The following PLEKHA5 variants were observed in gnomAD, a reference collection of about 807,000 sequenced individuals.
The protein encoded by PLEKHA5 is pleckstrin homology domain-containing family A member 5.
PLEKHA5 carries 55 observed loss-of-function variants against 181.9 expected under a neutral mutation model. The ratio of observed to expected loss-of-function variants is 0.30; its 90% confidence interval spans 0.24 to 0.38. The LOEUF (loss-of-function observed/expected upper bound fraction) is 0.38, where lower values mean the gene tolerates loss of function less well. Among genes scored for constraint, PLEKHA5 ranks in the 10% least tolerant of loss-of-function variants. PLEKHA5 has a pLI of 1.00. For synonymous variants in PLEKHA5, 535 were observed against 529.4 expected (o/e 1.01, Z -0.15); for missense variants, 1,432 against 1,549.5 (o/e 0.92, Z 1.27).
At position 19,148,311 on chromosome 12, in the gene PLEKHA5, C is replaced by T. The variant is rs151238242; in HGVS notation, c.227+15861C>T. ...ACCTCAAGTGATCCACCCGCCTTGG[C>T]CTCCCAAAGTGCTGGGATTACAGGT... On this transcript the variant is annotated intron_variant, in intron 3 of 31. Coordinates refer to ENST00000429027, the MANE Select transcript of PLEKHA5 (RefSeq NM_001256470.2). Among the ~76,000 whole-genome samples the T allele has an allele frequency of 9.3e-3, 1,422 of 152,340 alleles. 15 individuals carry two copies. Among genetic ancestry groups the T allele is most frequent in the African/African-American group, 0.027 (1,137 of 41,582 alleles).
chr12:19,202,014 G>C (rs144554532), intron 3 of PLEKHA5: 1 of 973,640 alleles, frequency 1.0e-6, no homozygotes, highest in Admixed American at 6.2e-5. Flanking sequence ...CTTGCCTTGG[G>C]TTCATTACTT....
At chr12:19,237,930 G>T (rs1001827634) in intron 3 of PLEKHA5, among the ~76,000 whole-genome samples, 1 of 151,750 alleles carries the variant, frequency 6.6e-6, no homozygotes, top group Non-Finnish European at 1.5e-5. Flanking sequence ...ATTTCATAGG[G>T]ATGAATGATA....
At chr12:19,266,586 C>T (rs1435379075) in intron 8 of PLEKHA5, among the ~76,000 whole-genome samples, 1 of 152,002 alleles carries the variant, frequency 6.6e-6, no homozygotes, top group African/African-American at 2.4e-5. Flanking sequence ...GAGTTCAAGA[C>T]CAGCCTGGCC....
intron 3 of PLEKHA5, among the ~76,000 whole-genome samples, chr12:19,187,939 C>T (rs2050227031): frequency 1.3e-5 from 2 of 152,164 alleles, no homozygotes; most frequent in African/African-American, 4.8e-5. Context: ...TAAGTGGTGG[C>T]TGACCAAGCT....
chr12:19,215,321 A>G (rs2057757443), intron 3 of PLEKHA5, among the ~76,000 whole-genome samples: 1 of 152,194 alleles, frequency 6.6e-6, no homozygotes, highest in South Asian at 2.1e-4. Context: ...ATATAAAAAT[A>G]TGTTATGAGT....
At chr12:19,326,623 T>TA (rs878960805) in intron 20 of PLEKHA5, among the ~76,000 whole-genome samples, 1 of 152,176 alleles carries the variant, frequency 6.6e-6, no homozygotes, top group South Asian at 2.1e-4. Context: ...GTAGGTTTGT[T>TA]AACTGGGTCT....
At chr12:19,367,184 C>A (rs1310249033) in intron 30 of PLEKHA5, among the ~76,000 whole-genome samples, 1 of 151,630 alleles carries the variant, frequency 6.6e-6, no homozygotes, top group African/African-American at 2.4e-5. Context: ...CCATGCCCGG[C>A]CCTTTTACTC....
At chr12:19,224,030 C>A (rs1056591190) in intron 3 of PLEKHA5, among the ~76,000 whole-genome samples, 2 of 152,004 alleles carry the variant, frequency 1.3e-5, no homozygotes, top group Non-Finnish European at 2.9e-5. Flanking sequence ...ACTTGTAGTG[C>A]CTGTGTGATT....
At chr12:19,181,722 G>A (rs1232079634) in intron 3 of PLEKHA5, among the ~76,000 whole-genome samples, 1 of 152,162 alleles carries the variant, frequency 6.6e-6, no homozygotes, top group Non-Finnish European at 1.5e-5. Flanking sequence ...GTTACAGTGA[G>A]CCGAGATCGC....
intron 3 of PLEKHA5, among the ~76,000 whole-genome samples, chr12:19,245,319 A>G (rs1477609742): frequency 1.3e-5 from 2 of 152,130 alleles, no homozygotes; most frequent in Non-Finnish European, 2.9e-5. Flanking sequence ...ATATAACTGC[A>G]TTTTATTCAG....
At chr12:19,306,290 C>G (rs2083501863) in intron 15 of PLEKHA5, 1 of 361,320 alleles carries the variant, frequency 2.8e-6, no homozygotes, top group African/African-American at 2.1e-5. Flanking sequence ...TTATTTACAG[C>G]TAGAGTTAAT....
intron 3 of PLEKHA5, among the ~76,000 whole-genome samples, chr12:19,181,988 T>C (rs1029176303): frequency 2.6e-5 from 4 of 152,218 alleles, no homozygotes; most frequent in African/African-American, 4.8e-5. Flanking sequence ...GTCCTTGCTC[T>C]CAAGAGATTA....
intron 3 of PLEKHA5, among the ~76,000 whole-genome samples, chr12:19,161,038 A>G (rs944466087): frequency 6.6e-6 from 1 of 152,206 alleles, no homozygotes; most frequent in African/African-American, 2.4e-5. Context: ...TCTTTTATTG[A>G]AATGTCCAAC....
intron 3 of PLEKHA5, among the ~76,000 whole-genome samples, chr12:19,183,545 AACG>A (rs953215348): frequency 3.9e-4 from 59 of 152,312 alleles, no homozygotes; most frequent in African/African-American, 1.4e-3. Flanking sequence ...TTCAGATTGT[AACG>A]ACACTTTAAT....
intron 7 of PLEKHA5, among the ~76,000 whole-genome samples, chr12:19,262,664 C>CA (rs1462461814): frequency 1.6e-4 from 25 of 152,228 alleles, no homozygotes; most frequent in East Asian, 1.9e-4. Context: ...GATCATATTT[C>CA]AAAAATGTAA....
At chr12:19,202,839 T>C (rs1268117588) in intron 3 of PLEKHA5, among the ~76,000 whole-genome samples, 4 of 152,108 alleles carry the variant, frequency 2.6e-5, no homozygotes, top group African/African-American at 9.7e-5. Context: ...TCCTCATGTA[T>C]CAGTTACAAA....
At position 19,347,016 on chromosome 12, in the gene PLEKHA5, G is replaced by A. The variant is rs1209295274; in HGVS notation, c.2732G>A (p.Arg911His). ...KNEEEEVVPP[R>H]PPLPRSYDFT... ...TAGGAAGAGGAAGTAGTCCCACCTC[G>A]TCCTCCACTTCCTCGGTCCTATGAC... is the stretch of plus-strand genomic sequence containing the variant. The change falls in exon 24 of 32, where the codon CGT (arginine) becomes CAT (histidine). Residue 911 changes from arginine (R) to histidine (H), a missense_variant. Physicochemically the swap from Arg to His is conservative, Grantham distance 29. Transcript: ENST00000429027. 7 of 1,549,190 alleles carry A rather than the reference G, an allele frequency of 4.5e-6. No individual in the cohort carries two copies. In the South Asian group the frequency reaches 4.8e-5, roughly 11 times the overall value.
chr12:19,274,393 T>C, intron 10 of PLEKHA5, 123 bp from the exon 11 acceptor site: 1 of 642,216 alleles, frequency 1.6e-6, no homozygotes, highest in Non-Finnish European at 2.7e-6. Flanking sequence ...ACTTGTCCAC[T>C]GTGACCCTTT....
intron 3 of PLEKHA5, among the ~76,000 whole-genome samples, chr12:19,173,371 C>T (rs1265389798): frequency 6.6e-6 from 1 of 152,048 alleles, no homozygotes; most frequent in Admixed American, 6.6e-5. Flanking sequence ...TAAAATTTTG[C>T]CATCTGTTTA....
Sources: allele counts gnomAD v4.1 joint callset (sites outside exome capture counted in the v4.1 genomes callset), GRCh38; gene constraint gnomAD v4.1.1; transcripts MANE v1.5; gene names NCBI Gene and HGNC (gene_info 2026-07-23, HGNC 2026-07-21).